The following SASH1 variants were observed in gnomAD, a reference collection of about 807,000 sequenced individuals.
SASH1 encodes the protein SAM and SH3 domain containing 1.
Under a neutral mutation model 125.2 loss-of-function variants are expected in SASH1, and 44 were observed. The ratio of observed to expected loss-of-function variants is 0.35; its 90% confidence interval spans 0.28 to 0.45. SASH1 has a LOEUF of 0.45. SASH1 is among the 20% of genes least tolerant of loss of function. The pLI is 1.00. For synonymous variants in SASH1, 639 were observed against 649.1 expected, an observed-to-expected ratio of 0.98 and a Z score of 0.24; for missense variants, 1,426 against 1,614.5, an observed-to-expected ratio of 0.88 and a Z score of 2.00.
chr6:148,451,950 C>T (rs1777119555), intron 4 of SASH1, among the ~76,000 whole-genome samples: 1 of 152,126 alleles, frequency 6.6e-6, no homozygotes, highest in South Asian at 2.1e-4. Flanking sequence ...TGCCCTGCGC[C>T]TGGGGCCTGT....
chr6:148,413,570 G>A (rs1454006508), intron 2 of SASH1, among the ~76,000 whole-genome samples: 2 of 152,116 alleles, frequency 1.3e-5, no homozygotes, highest in African/African-American at 2.4e-5. Context: ...CAAGAGAAGC[G>A]GTAGGAGTGA....
rs761629346 is a variant in SASH1 at position 148,514,338 on chromosome 6, G to A, written c.744G>A (p.Ser248=). The change falls in exon 9 of 20, where the codon TCG becomes TCA. Residue 248 remains serine, a synonymous_variant. Coordinates refer to ENST00000367467, the MANE Select transcript of SASH1 (RefSeq NM_015278.5). ...TTCTTTGCCAGTCAAGAGAACAATC[G>A]GATGATGAGACTGAGGAGTCGGTGA... ...GSSNCNSREQ[S]DDETEESVKF... 1.2e-5 allele frequency: 19 copies of A among 1,608,162 alleles called. No homozygotes were observed. Among genetic ancestry groups the A allele is most frequent in the South Asian group, 4.5e-5 (4 of 89,810 alleles).
the SASH1 span, among the ~76,000 whole-genome samples, chr6:148,242,352 A>G: frequency 6.6e-6 from 1 of 152,082 alleles, no homozygotes; most frequent in Non-Finnish European, 1.5e-5. Context: ...GCAAAGTTCC[A>G]TTTTTTCTTG....
intron 1 of SASH1, among the ~76,000 whole-genome samples, chr6:148,333,909 G>T (rs1781068810): frequency 6.6e-6 from 1 of 151,904 alleles, no homozygotes; most frequent in Non-Finnish European, 1.5e-5. Context: ...TGCAAGCTCT[G>T]CCTCTTGGGT....
intron 2 of SASH1, among the ~76,000 whole-genome samples, chr6:148,391,593 A>G (rs1783733177): frequency 6.6e-6 from 1 of 152,228 alleles, no homozygotes; most frequent in African/African-American, 2.4e-5. Flanking sequence ...GTGCATTGAA[A>G]TAAATTTGGC....
intron 8 of SASH1, chr6:148,508,844 A>T: frequency 7.8e-7 from 1 of 1,287,452 alleles, no homozygotes; most frequent in Non-Finnish European, 1.0e-6. Context: ...ACGTCTTCAG[A>T]ATTACCCCTT....
At chr6:148,263,023 G>A in the SASH1 span, among the ~76,000 whole-genome samples, 1 of 152,180 alleles carries the variant, frequency 6.6e-6, no homozygotes, top group African/African-American at 2.4e-5. Flanking sequence ...GGGAGGCAAT[G>A]GAGATGCAAG....
chr6:148,487,811 C>A, intron 8 of SASH1, 96 bp downstream of exon 8: 2 of 832,498 alleles, frequency 2.4e-6, no homozygotes, highest in Non-Finnish European at 3.8e-6. Flanking sequence ...AAACTTCCGA[C>A]TCGCACCTGG....
At chr6:148,417,978 CA>C (rs1784897306) in intron 2 of SASH1, among the ~76,000 whole-genome samples, 1 of 152,098 alleles carries the variant, frequency 6.6e-6, no homozygotes, top group African/African-American at 2.4e-5. Flanking sequence ...GGCCCTGGCA[CA>C]TGTACTCAAT....
chr6:148,393,067 A>G (rs1180524358), intron 2 of SASH1, among the ~76,000 whole-genome samples: 3 of 106,134 alleles, frequency 2.8e-5, no homozygotes, highest in South Asian at 3.1e-4. Context: ...TTTTTTTGAG[A>G]TGGAGTTTCC....
At chr6:148,540,345 C>T in intron 16 of SASH1, 98 bp from the exon 17 acceptor site, 2 of 854,864 alleles carry the variant, frequency 2.3e-6, no homozygotes, top group South Asian at 3.0e-5. Context: ...CTTCCAAAAG[C>T]TCAGGGCAGT....
At chr6:148,350,054 C>A (rs1254913343) in intron 1 of SASH1, among the ~76,000 whole-genome samples, 1 of 151,978 alleles carries the variant, frequency 6.6e-6, no homozygotes, top group Non-Finnish European at 1.5e-5. Flanking sequence ...ACCGTGTTAG[C>A]CAGGATGGTC....
At chr6:148,307,062 TTC>T (rs777199629) in intron 1 of SASH1, among the ~76,000 whole-genome samples, 100 of 147,368 alleles carry the variant, frequency 6.8e-4, no homozygotes, top group Non-Finnish European at 1.4e-3. Context: ...CTTTCTTTCT[TTC>T]TTTCTTTCTT....
rs115611879 is a variant in SASH1, at chr6:148,320,764, G to A, written n.74+48387G>A. 5.8e-3 allele frequency among the ~76,000 whole-genome samples: 890 copies of A among 152,294 alleles called. 6 individuals are homozygous for A. Among genetic ancestry groups the A allele is most frequent in the African/African-American group, 0.02 (817 of 41,556 alleles). On this transcript the variant is annotated intron_variant and non_coding_transcript_variant, in intron 1 of 3. Transcript: ENST00000367469. Reference sequence around the variant, plus strand: ...CTCCCAAAGTGTTGGTATTACAGGCGTGAGCCACCGTACCCAGACTTCACT... The same window carrying A: ...CTCCCAAAGTGTTGGTATTACAGGCATGAGCCACCGTACCCAGACTTCACT...
chr6:148,362,632 TG>T (rs377288513), intron 1 of SASH1, among the ~76,000 whole-genome samples: 198 of 151,952 alleles, frequency 1.3e-3, no homozygotes, highest in African/African-American at 4.5e-3. Context: ...TTTCCATCTT[TG>T]TTTTAAAATA....
chr6:148,247,227 G>T, the SASH1 span, among the ~76,000 whole-genome samples: 1 of 152,178 alleles, frequency 6.6e-6, no homozygotes, highest in Non-Finnish European at 1.5e-5. Flanking sequence ...AATTTGCCCT[G>T]AGAAATAGAA....
upstream of SASH1, among the ~76,000 whole-genome samples, chr6:148,338,704 TG>T (rs1781237180): frequency 6.6e-6 from 1 of 151,990 alleles, no homozygotes; most frequent in Non-Finnish European, 1.5e-5. Context: ...AGGACAACTT[TG>T]TTAAAAAGCC....
intron 12 of SASH1, among the ~76,000 whole-genome samples, chr6:148,530,810 G>A (rs1781470041): frequency 6.6e-6 from 1 of 152,180 alleles, no homozygotes; most frequent in Admixed American, 6.5e-5. Flanking sequence ...CCGCTGAGAG[G>A]ATAATACTTA....
At chr6:148,485,232 C>T (rs1041957938) in intron 7 of SASH1, among the ~76,000 whole-genome samples, 21 of 152,032 alleles carry the variant, frequency 1.4e-4, no homozygotes, top group Non-Finnish European at 1.3e-4. Context: ...CATTTTCCAA[C>T]GGGCAGATAC....
Sources: allele counts gnomAD v4.1 joint callset (sites outside exome capture counted in the v4.1 genomes callset), GRCh38; gene constraint gnomAD v4.1.1; transcripts MANE v1.5; gene names NCBI Gene and HGNC (gene_info 2026-07-23, HGNC 2026-07-21).